CNTN3: variants seen among roughly 807,000 people sequenced by gnomAD.
CNTN3 encodes contactin 3, also known as contactin-3.
In CNTN3, 60 loss-of-function variants were observed where a neutral mutation model predicts 119.1. The observed-to-expected ratio is 0.50, with a 90% CI of 0.41 to 0.62. The LOEUF (loss-of-function observed/expected upper bound fraction) is 0.62. CNTN3 is among the 20% of genes least tolerant of loss of function. The probability of loss-of-function intolerance (pLI) is 0.00; values close to 1 mark genes in which losing one functional copy is unlikely to be tolerated. For synonymous variants in CNTN3, 450 were observed against 438.7 expected, an observed-to-expected ratio of 1.03 and a Z score of -0.32; for missense variants, 1,101 against 1,242.4, an observed-to-expected ratio of 0.89 and a Z score of 1.71.
chr3:74,603,445 C>G (rs542926543), intron 1 of CNTN3, among the ~76,000 whole-genome samples: 1 of 152,220 alleles, frequency 6.6e-6, no homozygotes, highest in African/African-American at 2.4e-5. Flanking sequence ...AGGCACATAG[C>G]CAATGCACAA....
chr3:74,338,388 G>A (rs1703446285), intron 11 of CNTN3, among the ~76,000 whole-genome samples: 1 of 149,876 alleles, frequency 6.7e-6, no homozygotes, highest in Non-Finnish European at 1.5e-5. Context: ...ATGCATATGT[G>A]TATGTGTGTA....
At chr3:74,269,878 T>C (rs966869819) in intron 20 of CNTN3, among the ~76,000 whole-genome samples, 1 of 152,044 alleles carries the variant, frequency 6.6e-6, no homozygotes, top group African/African-American at 2.4e-5. Flanking sequence ...AAATGGAGAA[T>C]TGCTTAATGA....
At chr3:74,294,338 T>A (rs1161981117) in intron 19 of CNTN3, among the ~76,000 whole-genome samples, 3 of 152,114 alleles carry the variant, frequency 2.0e-5, no homozygotes, top group Non-Finnish European at 2.9e-5. Flanking sequence ...GTTCAAATGG[T>A]TCTTCTTAGC....
At chr3:74,430,228 T>A (rs1164586766) in intron 4 of CNTN3, among the ~76,000 whole-genome samples, 1 of 152,140 alleles carries the variant, frequency 6.6e-6, no homozygotes, top group East Asian at 1.9e-4. Context: ...AGCCCTAAAC[T>A]GGAAACAACC....
rs919662942 is a variant in CNTN3 at position 74,544,599 on chromosome 3, G to T, written c.-80-23407C>A. 2.0e-5 allele frequency among the ~76,000 whole-genome samples: 3 copies of T among 151,760 alleles called. No individual in the cohort carries two copies. In the East Asian group the frequency reaches 5.8e-4, roughly 29 times the overall value. On this transcript the variant is annotated intron_variant, in intron 1 of 22. Coordinates refer to ENST00000263665, the MANE Select transcript of CNTN3 (RefSeq NM_020872.3). ...TCCTAGATGAAACTCTTTTTTTGGT[G>T]GGGGGAAAGCAGTGCGGGGGACAGA...
At chr3:74,604,678 G>A (rs1704963756) in intron 1 of CNTN3, among the ~76,000 whole-genome samples, 1 of 152,076 alleles carries the variant, frequency 6.6e-6, no homozygotes, top group African/African-American at 2.4e-5. Flanking sequence ...AGAGGATGTG[G>A]AGAAACCTTG....
chr3:74,551,616 C>T (rs1356018253), intron 1 of CNTN3, among the ~76,000 whole-genome samples: 2 of 151,984 alleles, frequency 1.3e-5, no homozygotes, highest in Non-Finnish European at 2.9e-5. Flanking sequence ...CAGCATCTCA[C>T]CTATTCTTCC....
At chr3:74,560,107 A>G (rs951149549) in intron 1 of CNTN3, among the ~76,000 whole-genome samples, 2 of 152,194 alleles carry the variant, frequency 1.3e-5, no homozygotes, top group African/African-American at 4.8e-5. Context: ...GTGAAACGAG[A>G]TAGCCCAGGG....
intron 2 of CNTN3, among the ~76,000 whole-genome samples, chr3:74,509,338 G>C (rs1703322149): frequency 6.7e-6 from 1 of 149,194 alleles, no homozygotes; most frequent in Non-Finnish European, 1.5e-5. Flanking sequence ...TTTTGACATG[G>C]GGTCTCGCTC....
intron 19 of CNTN3, among the ~76,000 whole-genome samples, chr3:74,294,851 T>C (rs1702306135): frequency 6.6e-6 from 1 of 152,212 alleles, no homozygotes; most frequent in Non-Finnish European, 1.5e-5. Flanking sequence ...ACCCTTATTT[T>C]TTAGTCAACT....
chr3:74,485,979 T>C (rs1476027701), intron 4 of CNTN3, among the ~76,000 whole-genome samples: 2 of 152,234 alleles, frequency 1.3e-5, no homozygotes, highest in African/African-American at 4.8e-5. Flanking sequence ...TGTCACCACA[T>C]ATGGTAACTT....
At position 74,301,401 on chromosome 3, in the gene CNTN3, C is replaced by A. The variant is rs1175824647; in HGVS notation, c.2092G>T (p.Ala698Ser). Residue 698 changes from alanine (A) to serine (S), a missense_variant, in exon 16 of 23, where the codon GCA becomes TCA. Transcript: ENST00000263665. ...LPSEKVRTEE[A>S]VPEVPPSEVN... ...ACTCAGAAAAAAAAACACTAACCTG[C>A]CTCTTCAGTTCTTACTTTTTCTGAG... 1.2e-6 allele frequency: 2 copies of A among 1,612,960 alleles called. No individual in the cohort carries two copies. The highest frequency in any genetic ancestry group is 2.7e-5 in the African/African-American group (2 of 74,842).
intron 13 of CNTN3, among the ~76,000 whole-genome samples, chr3:74,305,315 A>C (rs1702540085): frequency 6.6e-6 from 1 of 152,162 alleles, no homozygotes. Flanking sequence ...AGGAGTGTAG[A>C]TTGGTACAAT....
chr3:74,457,508 G>T (rs962822791), intron 4 of CNTN3, among the ~76,000 whole-genome samples: 1 of 151,660 alleles, frequency 6.6e-6, no homozygotes, highest in Admixed American at 6.6e-5. Flanking sequence ...AACAAGAGCC[G>T]CCCCCCAAAA....
chr3:74,266,573 G>C lies in CNTN3; in HGVS notation c.2894C>G (p.Pro965Arg). 3 of 1,613,504 alleles carry C rather than the reference G, an allele frequency of 1.9e-6. No individual in the cohort carries two copies. Among genetic ancestry groups the C allele is most frequent in the Non-Finnish European group, 2.5e-6 (3 of 1,179,618 alleles). Reference protein sequence around the residue: ...TNKTSAELVLPIKEDYIIEVK... With the variant: ...TNKTSAELVLRIKEDYIIEVK... ...TTCAATAATGTAGTCCTCTTTAATG[G>C]GCAGCACAAGTTCAGCTGAAGTTTT... The change falls in exon 22 of 23, where the codon CCC (proline) becomes CGC (arginine). Residue 965 changes from proline (P) to arginine (R), a missense_variant. Coordinates refer to ENST00000263665, the MANE Select transcript of CNTN3 (RefSeq NM_020872.3).
intron 1 of CNTN3, among the ~76,000 whole-genome samples, chr3:74,592,767 T>C (rs1382000430): frequency 2.6e-5 from 4 of 152,130 alleles, no homozygotes; most frequent in South Asian, 2.1e-4. Context: ...TAAACTGATT[T>C]TTTAAAAACC....
At chr3:74,391,906 C>A (rs1704919737) in intron 5 of CNTN3, among the ~76,000 whole-genome samples, 2 of 152,162 alleles carry the variant, frequency 1.3e-5, no homozygotes, top group South Asian at 2.1e-4. Flanking sequence ...GATCAGCCCA[C>A]CTCGGTCTCC....
chr3:74,274,493 C>T (rs1025173348), intron 20 of CNTN3, among the ~76,000 whole-genome samples: 1 of 152,108 alleles, frequency 6.6e-6, no homozygotes, highest in Non-Finnish European at 1.5e-5. Context: ...ATGCAGACAA[C>T]CCCCAGTACA....
chr3:74,531,915 C>T (rs1458713150), intron 1 of CNTN3, among the ~76,000 whole-genome samples: 1 of 151,688 alleles, frequency 6.6e-6, no homozygotes, highest in Non-Finnish European at 1.5e-5. Flanking sequence ...GGTCGACCAT[C>T]AAAGTTACTA....
Sources: gnomAD v4.1 joint callset for allele counts (sites outside exome capture counted in the v4.1 genomes callset) on GRCh38, gnomAD v4.1.1 for gene constraint, MANE v1.5 for transcripts, NCBI Gene and HGNC (gene_info 2026-07-23, HGNC 2026-07-21) for gene names.